Variants in TAFA5 observed in about 807,000 individuals in gnomAD.
TAFA5 encodes TAFA chemokine like family member 5, also known as chemokine-like protein TAFA-5.
In TAFA5, 6 loss-of-function variants were observed where a neutral mutation model predicts 15.3. That is an observed-to-expected ratio of 0.39 (90% CI 0.21 to 0.77). The LOEUF (loss-of-function observed/expected upper bound fraction) is 0.77, where lower values mean the gene tolerates loss of function less well. Among genes scored for constraint, TAFA5 ranks in the 30% least tolerant of loss-of-function variants. TAFA5 has a pLI of 0.41. For synonymous variants in TAFA5, 103 were observed against 80.7 expected (o/e 1.28, Z -1.48); for missense variants, 161 against 193.1 (o/e 0.83, Z 0.98).
intron 3 of TAFA5, among the ~76,000 whole-genome samples, chr22:48,727,745 T>C (rs1178692539): frequency 6.6e-6 from 1 of 152,032 alleles, no homozygotes; most frequent in Non-Finnish European, 1.5e-5. Context: ...AAAAAATAAA[T>C]AAAGATAAAT....
At chr22:48,659,970 AG>A (rs1927377656) in intron 2 of TAFA5, among the ~76,000 whole-genome samples, 1 of 152,156 alleles carries the variant, frequency 6.6e-6, no homozygotes, top group South Asian at 2.1e-4. Context: ...TGTGACTTGG[AG>A]GGGGGTGAGT....
intron 3 of TAFA5, among the ~76,000 whole-genome samples, chr22:48,733,935 C>A (rs1337558448): frequency 6.6e-6 from 1 of 152,190 alleles, no homozygotes; most frequent in Non-Finnish European, 1.5e-5. Context: ...TTCAGCCCCA[C>A]CTGCCAAGAG....
chr22:48,651,610 C>T (rs1927056970), intron 2 of TAFA5, among the ~76,000 whole-genome samples: 3 of 152,146 alleles, frequency 2.0e-5, no homozygotes, highest in Admixed American at 1.3e-4. Context: ...CAGCAGAGGC[C>T]TTGCCCGCTC....
chr22:48,675,451 G>A (rs892012476), intron 2 of TAFA5, among the ~76,000 whole-genome samples: 26 of 152,230 alleles, frequency 1.7e-4, no homozygotes, highest in Non-Finnish European at 5.9e-5. Context: ...AAAGCAGCCC[G>A]GCCCATACAC....
rs1924842012 is a variant in TAFA5 at position 48,598,256 on chromosome 22, T to A, written c.113-48341T>A. On this transcript the variant is annotated intron_variant, in intron 1 of 3. Transcript: ENST00000402357. The surrounding 1 kb of genome is among the most constrained non-coding windows in gnomAD (Gnocchi z 4.0). Reference sequence around the variant, plus strand: ...CAGTATGGAAGGCCATCTGCTTTATTCAAAATCACCGATTCAGGCGTTACT... The same window carrying A: ...CAGTATGGAAGGCCATCTGCTTTATACAAAATCACCGATTCAGGCGTTACT... Among the ~76,000 whole-genome samples the A allele has an allele frequency of 6.6e-6, 1 of 152,146 alleles. No individual in the cohort carries two copies. Among genetic ancestry groups the A allele is most frequent in the Non-Finnish European group, 1.5e-5 (1 of 68,030 alleles).
At chr22:48,609,195 T>C (rs1044683695) in intron 1 of TAFA5, among the ~76,000 whole-genome samples, 3 of 152,144 alleles carry the variant, frequency 2.0e-5, no homozygotes, top group Non-Finnish European at 4.4e-5. Flanking sequence ...GGGTGGGAAA[T>C]GCACGTCTCC....
At chr22:48,554,639 T>C (rs146996534) in intron 1 of TAFA5, among the ~76,000 whole-genome samples, 261 of 152,312 alleles carry the variant, frequency 1.7e-3, no homozygotes, top group Middle Eastern at 0.014. Context: ...CAGCCATTTA[T>C]TGCCAGTAAC....
At chr22:48,632,371 T>C (rs1292445694) in intron 1 of TAFA5, among the ~76,000 whole-genome samples, 1 of 152,116 alleles carries the variant, frequency 6.6e-6, no homozygotes, top group African/African-American at 2.4e-5. Flanking sequence ...CACAGGGCAG[T>C]CTTATAGAGT....
chr22:48,546,409 A>G, intron 1 of TAFA5: 1 of 451,302 alleles, frequency 2.2e-6, no homozygotes. Context: ...TGGCTCTTGG[A>G]GGTCCCCGAG....
intron 1 of TAFA5, among the ~76,000 whole-genome samples, chr22:48,634,470 C>T (rs776843016): frequency 2.2e-5 from 3 of 138,656 alleles, no homozygotes; most frequent in Non-Finnish European, 4.6e-5. Flanking sequence ...CTCATTCACT[C>T]AATCACTCAA....
chr22:48,702,687 C>T (rs1479121378), intron 2 of TAFA5, among the ~76,000 whole-genome samples: 6 of 152,226 alleles, frequency 3.9e-5, no homozygotes, highest in Non-Finnish European at 8.8e-5. Flanking sequence ...TCTGTCAGCC[C>T]CTGGGCACGC....
At chr22:48,697,218 A>G (rs1239773944) in intron 2 of TAFA5, among the ~76,000 whole-genome samples, 3 of 152,202 alleles carry the variant, frequency 2.0e-5, no homozygotes, top group Non-Finnish European at 4.4e-5. Context: ...GAAATGAGCT[A>G]AGGATGAGAG....
chr22:48,539,752 A>C (rs1279928468), intron 1 of TAFA5, among the ~76,000 whole-genome samples: 1 of 152,204 alleles, frequency 6.6e-6, no homozygotes, highest in Admixed American at 6.5e-5. Context: ...AGGGCTTAAT[A>C]GCCGCAGGAA....
At chr22:48,697,359 TA>T in intron 2 of TAFA5, among the ~76,000 whole-genome samples, 1 of 138,880 alleles carries the variant, frequency 7.2e-6, no homozygotes, top group Admixed American at 7.1e-5. Context: ...ATGATGATGA[TA>T]ATGATGACGA....
intron 1 of TAFA5, among the ~76,000 whole-genome samples, chr22:48,501,752 G>A (rs998984405): frequency 1.3e-4 from 20 of 152,210 alleles, no homozygotes; most frequent in Non-Finnish European, 2.6e-4. Context: ...GTGTGGCGGA[G>A]TGAGGGCTGA....
At chr22:48,651,411 A>G (rs889909045) in intron 2 of TAFA5, among the ~76,000 whole-genome samples, 3 of 152,222 alleles carry the variant, frequency 2.0e-5, no homozygotes, top group Non-Finnish European at 2.9e-5. Context: ...GGGCAGGGCC[A>G]GAGGGCCTGG....
chr22:48,576,779 G>A (rs1409633795), intron 1 of TAFA5, among the ~76,000 whole-genome samples: 2 of 151,568 alleles, frequency 1.3e-5, no homozygotes, highest in Non-Finnish European at 2.9e-5. Context: ...GCCCATCGGG[G>A]CTCACCGGCA....
intron 2 of TAFA5, among the ~76,000 whole-genome samples, chr22:48,666,689 C>T (rs58874138): frequency 0.39 from 59,236 of 152,046 alleles, 11,924 homozygotes; most frequent in East Asian, 0.53. Context: ...CCCGTGACAG[C>T]GTCACACCGG....
intron 1 of TAFA5, among the ~76,000 whole-genome samples, chr22:48,524,632 A>G (rs1921717694): frequency 1.3e-5 from 2 of 152,186 alleles, no homozygotes; most frequent in South Asian, 4.1e-4. Flanking sequence ...CACATTGGGC[A>G]TGGTTAGTTC....
Sources: allele counts gnomAD v4.1 joint callset (sites outside exome capture counted in the v4.1 genomes callset), GRCh38; gene constraint gnomAD v4.1.1; non-coding constraint Gnocchi (gnomAD v3.1); transcripts MANE v1.5; gene names NCBI Gene and HGNC (gene_info 2026-07-23, HGNC 2026-07-21).